The following BRINP3 variants were observed in gnomAD, a reference collection of about 807,000 sequenced individuals.
BRINP3 encodes BMP/retinoic acid-inducible neural-specific protein 3.
In BRINP3, 19 loss-of-function variants were observed where a neutral mutation model predicts 71.0. That is an observed-to-expected ratio of 0.27 (90% CI 0.19 to 0.39). BRINP3 has a LOEUF of 0.39. Among genes scored for constraint, BRINP3 ranks in the 10% least tolerant of loss-of-function variants. The pLI is 1.00. For synonymous variants in BRINP3, 380 were observed against 337.7 expected (o/e 1.13, Z -1.37); for missense variants, 959 against 940.8 (o/e 1.02, Z -0.25).
chr1:190,154,776 A>G (rs1430311907), intron 7 of BRINP3, among the ~76,000 whole-genome samples: 1 of 152,166 alleles, frequency 6.6e-6, no homozygotes, highest in Non-Finnish European at 1.5e-5. Context: ...TTTGAGGAAA[A>G]TAACTTTTGC....
At chr1:190,465,631 A>T (rs1213626478) in intron 1 of BRINP3, among the ~76,000 whole-genome samples, 2 of 151,778 alleles carry the variant, frequency 1.3e-5, no homozygotes, top group African/African-American at 2.4e-5. Flanking sequence ...GTTTTCTCTT[A>T]GTAATTTTCC....
chr1:190,399,283 A>G (rs1482329633), intron 2 of BRINP3, among the ~76,000 whole-genome samples: 1 of 152,086 alleles, frequency 6.6e-6, no homozygotes, highest in East Asian at 1.9e-4. Flanking sequence ...CAACAGTAGT[A>G]TACTTTGAAA....
intron 4 of BRINP3, among the ~76,000 whole-genome samples, chr1:190,262,120 A>G (rs1360116872): frequency 6.6e-5 from 10 of 152,212 alleles, no homozygotes; most frequent in Non-Finnish European, 1.2e-4. Context: ...ATCAGTGTTC[A>G]TGTAACTCAG....
At chr1:190,459,089 GA>G (rs1676206520) in intron 1 of BRINP3, among the ~76,000 whole-genome samples, 1 of 141,820 alleles carries the variant, frequency 7.1e-6, no homozygotes, top group South Asian at 2.2e-4. Context: ...ATATCTATTT[GA>G]AAAGCAGATA....
chr1:190,382,334 C>A (rs1303393056), intron 2 of BRINP3, among the ~76,000 whole-genome samples: 1 of 152,124 alleles, frequency 6.6e-6, no homozygotes, highest in Non-Finnish European at 1.5e-5. Context: ...TCTCCTAATA[C>A]ACCATCACAA....
At chr1:190,408,264 T>A (rs1672435467) in intron 2 of BRINP3, among the ~76,000 whole-genome samples, 2 of 151,922 alleles carry the variant, frequency 1.3e-5, no homozygotes, top group East Asian at 3.9e-4. Context: ...CAGGATGGTC[T>A]CGATCTCCTG....
intron 4 of BRINP3, among the ~76,000 whole-genome samples, chr1:190,263,447 T>G (rs1661365800): frequency 6.6e-6 from 1 of 152,162 alleles, no homozygotes; most frequent in Non-Finnish European, 1.5e-5. Context: ...GTCATATTGT[T>G]TAAGTAACCC....
rs1299568676 is a variant in BRINP3, at chr1:190,098,987, T to C, written c.1332A>G (p.Gly444=). ...VCTAFLPCTV[G]DASACLTCAP... is the part of the protein sequence containing the mutation. The stretch of plus-strand genomic sequence containing the variant: ...CGCATGTCAGGCAGGCAGAGGCGTC[T>C]CCCACTGTGCAGGGCAGGAACGCGG... The change falls in exon 8 of 8, where the codon GGA becomes GGG. Residue 444 remains glycine (G), a synonymous_variant. Transcript: ENST00000367462. 19 of 1,614,124 alleles carry C rather than the reference T, an allele frequency of 1.2e-5. No homozygotes were observed. Among genetic ancestry groups the C allele is most frequent in the Non-Finnish European group, 1.6e-5 (19 of 1,180,010 alleles).
At chr1:190,224,118 A>G (rs1657121200) in intron 6 of BRINP3, among the ~76,000 whole-genome samples, 1 of 151,506 alleles carries the variant, frequency 6.6e-6, no homozygotes, top group African/African-American at 2.4e-5. Context: ...GGCATTCTTC[A>G]CAGAAATAGA....
chr1:190,363,168 C>T (rs1479464099), intron 2 of BRINP3, among the ~76,000 whole-genome samples: 3 of 152,106 alleles, frequency 2.0e-5, no homozygotes, highest in African/African-American at 7.2e-5. Context: ...ACGAGTGGCC[C>T]TGGAGGAGCT....
chr1:190,472,099 C>T (rs1362370509), intron 1 of BRINP3, among the ~76,000 whole-genome samples: 2 of 151,408 alleles, frequency 1.3e-5, no homozygotes, highest in African/African-American at 4.8e-5. Context: ...CATGGTATCC[C>T]TTGAAAAATA....
At chr1:190,186,348 C>T (rs972987735) in intron 6 of BRINP3, among the ~76,000 whole-genome samples, 4 of 151,936 alleles carry the variant, frequency 2.6e-5, no homozygotes, top group Admixed American at 2.0e-4. Context: ...GCCAGGGCAA[C>T]GAGAGTGAAA....
At chr1:190,393,055 T>C in intron 2 of BRINP3, among the ~76,000 whole-genome samples, 1 of 151,712 alleles carries the variant, frequency 6.6e-6, no homozygotes, top group South Asian at 2.1e-4. Flanking sequence ...CTAGAACCAT[T>C]ATATATTATA....
intron 2 of BRINP3, among the ~76,000 whole-genome samples, chr1:190,429,832 G>A (rs999401090): frequency 6.6e-6 from 1 of 152,074 alleles, no homozygotes; most frequent in Admixed American, 6.6e-5. Flanking sequence ...CAAGTCATCT[G>A]CCCTGCCCGC....
At position 190,301,204 on chromosome 1, in the gene BRINP3, CATATATATAT is replaced by C. The variant is rs369121473; in HGVS notation, c.237-19464_237-19455del. ...ATATATATGTATATATATACACATA[CATATATATAT>C]ATATATATATATATATATATACACA... On this transcript the variant is annotated intron_variant, in intron 2 of 7. Transcript: ENST00000367462. 3.1e-4 allele frequency among the ~76,000 whole-genome samples: 33 copies of C among 106,340 alleles called. 1 individual carries two copies. The highest frequency in any genetic ancestry group is 4.5e-4 in the Non-Finnish European group (25 of 55,352). The allele number at this position is 106,340 out of a possible 152,430, so 69.8% of individuals were successfully genotyped here. A position where few individuals can be genotyped will look rare whatever the true frequency, so the allele number is the denominator to read the frequency against.
chr1:190,415,987 A>C (rs1336540070), intron 2 of BRINP3, among the ~76,000 whole-genome samples: 1 of 152,166 alleles, frequency 6.6e-6, no homozygotes, highest in East Asian at 1.9e-4. Context: ...TGTTTATTTT[A>C]CAGGTTTTCT....
At chr1:190,465,251 A>G (rs1676663153) in intron 1 of BRINP3, among the ~76,000 whole-genome samples, 1 of 152,002 alleles carries the variant, frequency 6.6e-6, no homozygotes, top group African/African-American at 2.4e-5. Flanking sequence ...GTCAGGCACT[A>G]AAGAATGAAG....
intron 2 of BRINP3, among the ~76,000 whole-genome samples, chr1:190,433,213 T>A (rs1298582539): frequency 6.6e-6 from 1 of 152,194 alleles, no homozygotes; most frequent in East Asian, 1.9e-4. Flanking sequence ...TCTGCTATTA[T>A]TTGCTCTGTA....
intron 7 of BRINP3, among the ~76,000 whole-genome samples, chr1:190,143,495 T>G (rs1330927117): frequency 6.6e-6 from 1 of 152,160 alleles, no homozygotes; most frequent in Non-Finnish European, 1.5e-5. Context: ...GCAGGACCAA[T>G]AGTCCTTTGT....
Sources: gnomAD v4.1 joint callset for allele counts (sites outside exome capture counted in the v4.1 genomes callset) on GRCh38, gnomAD v4.1.1 for gene constraint, MANE v1.5 for transcripts, NCBI Gene and HGNC (gene_info 2026-07-23, HGNC 2026-07-21) for gene names.